Variants in CLVS1 observed in about 807,000 individuals in gnomAD.
CLVS1 encodes clavesin-1.
In CLVS1, 10 loss-of-function variants were observed where a neutral mutation model predicts 33.1. That is an observed-to-expected ratio of 0.30 (90% CI 0.19 to 0.51). The LOEUF (loss-of-function observed/expected upper bound fraction) is 0.51. Among genes scored for constraint, CLVS1 ranks in the 20% least tolerant of loss-of-function variants. The probability of loss-of-function intolerance (pLI) is 0.97; values close to 1 mark genes in which losing one functional copy is unlikely to be tolerated. For synonymous variants in CLVS1, 163 were observed against 166.1 expected (o/e 0.98, Z 0.14); for missense variants, 343 against 433.4 (o/e 0.79, Z 1.85).
chr8:61,245,481 G>A (rs576606898), intron 2 of CLVS1, among the ~76,000 whole-genome samples: 5 of 151,898 alleles, frequency 3.3e-5, no homozygotes, highest in African/African-American at 4.8e-5. Context: ...CACTGCACCC[G>A]GCCAGATCTG....
rs567370665 is a variant in CLVS1, at chr8:61,467,643, C to G, written c.977+9101C>G. On this transcript the variant is annotated intron_variant, in intron 5 of 5. Coordinates refer to ENST00000325897, the MANE Select transcript of CLVS1 (RefSeq NM_173519.3). The stretch of plus-strand genomic sequence containing the variant: ...ACGGACCATATCGAAACTGTATATC[C>G]CCACCATACAGGAATGGCAGGTAGT... 6.6e-5 allele frequency among the ~76,000 whole-genome samples: 10 copies of G among 152,090 alleles called. No individual in the cohort carries two copies. The East Asian group carries it at 1.9e-3, about 29-fold the overall frequency.
At chr8:61,484,764 G>C (rs1803808380) in intron 5 of CLVS1, among the ~76,000 whole-genome samples, 1 of 152,158 alleles carries the variant, frequency 6.6e-6, no homozygotes, top group Admixed American at 6.5e-5. Context: ...CAATGGAACA[G>C]AACAGAGCCC....
At chr8:61,060,305 G>A (rs531180350) in intron 1 of CLVS1, among the ~76,000 whole-genome samples, 1 of 152,180 alleles carries the variant, frequency 6.6e-6, no homozygotes, top group South Asian at 2.1e-4. Context: ...CACCCAATCA[G>A]GTACTGTTCT....
rs183679226 is a variant in CLVS1, at chr8:61,185,016, G to A, written c.-152+53156G>A. Among the ~76,000 whole-genome samples the A allele has an allele frequency of 3.7e-3, 563 of 152,042 alleles. 1 individual carries two copies. The highest frequency in any genetic ancestry group is 9.9e-3 in the Admixed American group (152 of 15,282). Reference sequence around the variant, plus strand: ...TATGTTTACATGTGTGTATATAATGGTTTTAGGTTTTTTTCTAGACACATA... The same window carrying A: ...TATGTTTACATGTGTGTATATAATGATTTTAGGTTTTTTTCTAGACACATA... On this transcript the variant is annotated intron_variant, in intron 2 of 2. Transcript: ENST00000522621.
chr8:61,135,901 C>G (rs1246295107), intron 2 of CLVS1, among the ~76,000 whole-genome samples: 1 of 152,220 alleles, frequency 6.6e-6, no homozygotes, highest in African/African-American at 2.4e-5. Flanking sequence ...TCAGAGAGGG[C>G]TCCCCGCTGG....
chr8:61,482,646 A>T (rs1330509635), intron 5 of CLVS1, among the ~76,000 whole-genome samples: 3 of 152,240 alleles, frequency 2.0e-5, no homozygotes, highest in African/African-American at 7.2e-5. Flanking sequence ...TGAGAAGAGA[A>T]ATTTAGAGAA....
intron 2 of CLVS1, among the ~76,000 whole-genome samples, chr8:61,247,336 T>C (rs1808835900): frequency 6.6e-6 from 1 of 152,220 alleles, no homozygotes; most frequent in African/African-American, 2.4e-5. Flanking sequence ...CTGTGTCAAA[T>C]GGTAGTTCTG....
chr8:61,479,266 G>A (rs1487491946), intron 5 of CLVS1, among the ~76,000 whole-genome samples: 1 of 152,130 alleles, frequency 6.6e-6, no homozygotes, highest in Non-Finnish European at 1.5e-5. Context: ...ACTTCTTGGA[G>A]GCTTTGTTCA....
At chr8:61,396,272 T>C (rs997009567) in intron 3 of CLVS1, among the ~76,000 whole-genome samples, 1 of 152,192 alleles carries the variant, frequency 6.6e-6, no homozygotes, top group African/African-American at 2.4e-5. Context: ...ATCAAATCTG[T>C]CTTTTAATAT....
chr8:61,070,541 C>T (rs1369839238), intron 1 of CLVS1, among the ~76,000 whole-genome samples: 1 of 152,236 alleles, frequency 6.6e-6, no homozygotes, highest in African/African-American at 2.4e-5. Flanking sequence ...AGGAAATGCT[C>T]CTCAATTCAG....
intron 1 of CLVS1, among the ~76,000 whole-genome samples, chr8:61,087,209 C>A (rs1805142479): frequency 6.6e-6 from 1 of 152,184 alleles, no homozygotes; most frequent in Admixed American, 6.5e-5. Flanking sequence ...GTGGATTGCA[C>A]AGGCCAGAGG....
chr8:61,212,049 T>A (rs1252233424), intron 2 of CLVS1, among the ~76,000 whole-genome samples: 1 of 152,212 alleles, frequency 6.6e-6, no homozygotes, highest in African/African-American at 2.4e-5. Context: ...CAGTGAAACC[T>A]GTATCAGACT....
At chr8:61,443,176 T>C (rs1396781704) in intron 3 of CLVS1, among the ~76,000 whole-genome samples, 1 of 152,250 alleles carries the variant, frequency 6.6e-6, no homozygotes, top group African/African-American at 2.4e-5. Context: ...TATCTCAGTC[T>C]ACAGTTTTTG....
chr8:61,131,873 G>A (rs1036879996), intron 2 of CLVS1: 1 of 152,194 alleles, frequency 6.6e-6, no homozygotes, highest in Non-Finnish European at 1.5e-5. Context: ...GAGTAAATAT[G>A]ACCTGGTGTT....
At chr8:61,027,034 A>G in the CLVS1 span, among the ~76,000 whole-genome samples, 1 of 152,218 alleles carries the variant, frequency 6.6e-6, no homozygotes, top group Non-Finnish European at 1.5e-5. Flanking sequence ...CAGGATTACT[A>G]ATGGATACAG....
the CLVS1 span, among the ~76,000 whole-genome samples, chr8:61,012,322 T>C: frequency 1.3e-5 from 2 of 152,224 alleles, no homozygotes; most frequent in Non-Finnish European, 2.9e-5. Flanking sequence ...TTTCCTCCCA[T>C]TTAAAGAACA....
intron 2 of CLVS1, among the ~76,000 whole-genome samples, chr8:61,334,663 T>C (rs892726254): frequency 3.3e-5 from 5 of 152,040 alleles, no homozygotes; most frequent in African/African-American, 4.8e-5. Flanking sequence ...CAAATAAATA[T>C]ATAGGTTGCC....
intron 3 of CLVS1, among the ~76,000 whole-genome samples, chr8:61,380,318 C>T (rs1286337174): frequency 2.0e-5 from 3 of 152,110 alleles, no homozygotes; most frequent in Non-Finnish European, 2.9e-5. Flanking sequence ...CTTGGTTATG[C>T]CCTTCACAGG....
rs762357243 is a variant in CLVS1 at position 61,500,927 on chromosome 8, C to CTTAA, written c.*1389_*1392dup. On this transcript the variant is annotated 3_prime_UTR_variant, in exon 6 of 6. Coordinates refer to ENST00000325897, the MANE Select transcript of CLVS1 (RefSeq NM_173519.3). ...CACCCCTGATAATATTATTACTAATCTTAATTATTTATTACATCATCTCTT... is the reference window on the plus strand; with the variant it reads ...CACCCCTGATAATATTATTACTAATCTTAATTAATTATTTATTACATCATCTCTT... The CTTAA allele has an allele frequency of 6.6e-6, 1 of 152,024 alleles. No homozygotes were observed. The highest frequency in any genetic ancestry group is 1.5e-5 in the Non-Finnish European group (1 of 68,012). 9.4% of individuals were successfully genotyped at this position (152,024 alleles called of 1,614,324 possible). A position where few individuals can be genotyped will look rare whatever the true frequency, so the allele number is the denominator to read the frequency against.
Sources: gnomAD v4.1 joint callset for allele counts (sites outside exome capture counted in the v4.1 genomes callset) on GRCh38, gnomAD v4.1.1 for gene constraint, MANE v1.5 for transcripts, NCBI Gene and HGNC (gene_info 2026-07-23, HGNC 2026-07-21) for gene names.